GLRB: variants seen among roughly 807,000 people sequenced by gnomAD.
GLRB encodes the protein glycine receptor subunit beta.
Under a neutral mutation model 54.2 loss-of-function variants are expected in GLRB, and 33 were observed. The observed-to-expected ratio is 0.61, with a 90% CI of 0.46 to 0.81. The LOEUF is 0.81. Among genes scored for constraint, GLRB ranks in the 40% least tolerant of loss-of-function variants. GLRB has a pLI of 0.00. For missense variants in GLRB, 572 were observed against 584.6 expected, an observed-to-expected ratio of 0.98 and a Z score of 0.22; for synonymous variants, 209 against 208.2, an observed-to-expected ratio of 1.00 and a Z score of -0.03.
At position 157,146,574 on chromosome 4, in the gene GLRB, T is replaced by A. The variant is rs1446425702; in HGVS notation, c.904+2615T>A. Among the ~76,000 whole-genome samples, 8 of 152,148 alleles carry A rather than the reference T, an allele frequency of 5.3e-5. No individual in the cohort carries two copies. In the East Asian group the frequency reaches 1.6e-3, roughly 30 times the overall value. ...TGGCTCACCCCTGTAATCCCAGCAC[T>A]TTGGGAGGCAAAGGTGGGCAAATCA... On this transcript the variant is annotated intron_variant, in intron 8 of 9. Coordinates refer to ENST00000264428, the MANE Select transcript of GLRB (RefSeq NM_000824.5).
chr4:157,141,383 A>G (rs1241805514), intron 7 of GLRB, among the ~76,000 whole-genome samples: 1 of 152,022 alleles, frequency 6.6e-6, no homozygotes, highest in Admixed American at 6.6e-5. Context: ...AATACATGCA[A>G]TAGTTAACAG....
In GLRB at chr4:157,078,116, A is replaced by G. The variant is rs149863285; in HGVS notation, c.92A>G (p.Lys31Arg). The change falls in exon 2 of 10, where the codon AAG (lysine) becomes AGG (arginine). Residue 31 changes from lysine to arginine, a missense_variant. Coordinates refer to ENST00000264428, the MANE Select transcript of GLRB (RefSeq NM_000824.5). ...YSKEKSSKKG[K>R]GKKKQYLCPS... ...AAGGAAAAGTCTTCAAAGAAAGGGA[A>G]GGGGAAAAAGAAGCAGTATCTATGC... 9.6e-5 allele frequency: 154 copies of G among 1,612,262 alleles called. 1 individual carries two copies. The highest frequency in any genetic ancestry group is 1.2e-4 in the Non-Finnish European group (147 of 1,178,534).
chr4:157,127,555 G>T (rs1296421853), intron 4 of GLRB, among the ~76,000 whole-genome samples: 1 of 151,808 alleles, frequency 6.6e-6, no homozygotes, highest in African/African-American at 2.4e-5. Flanking sequence ...TGTTAAAAAG[G>T]ACATTTCAGA....
At chr4:157,098,851 A>T (rs1579196181) in intron 2 of GLRB, among the ~76,000 whole-genome samples, 1 of 151,562 alleles carries the variant, frequency 6.6e-6, no homozygotes, top group Non-Finnish European at 1.5e-5. Context: ...CAGGCAATCC[A>T]CCTGCCTTGG....
At chr4:157,089,202 C>G (rs1280581274) in intron 2 of GLRB, among the ~76,000 whole-genome samples, 1 of 151,778 alleles carries the variant, frequency 6.6e-6, no homozygotes, top group Non-Finnish European at 1.5e-5. Context: ...CAAGCATGGG[C>G]AACATAGTGA....
chr4:157,121,964 G>A (rs1735839062), intron 3 of GLRB, among the ~76,000 whole-genome samples: 1 of 151,144 alleles, frequency 6.6e-6, no homozygotes, highest in Non-Finnish European at 1.5e-5. Context: ...ATGAAACCCT[G>A]TTTTCAAAAT....
At chr4:157,105,768 T>C (rs1225768705) in intron 2 of GLRB, among the ~76,000 whole-genome samples, 1 of 152,092 alleles carries the variant, frequency 6.6e-6, no homozygotes, top group East Asian at 1.9e-4. Flanking sequence ...TATGTAATGT[T>C]TTTCTTTGTC....
intron 9 of GLRB, among the ~76,000 whole-genome samples, chr4:157,154,869 A>G (rs913054540): frequency 6.6e-6 from 1 of 152,092 alleles, no homozygotes; most frequent in African/African-American, 2.4e-5. Context: ...TAACATCACG[A>G]TCTACTAGTG....
intron 9 of GLRB, among the ~76,000 whole-genome samples, chr4:157,160,182 C>T (rs1737420203): frequency 6.6e-6 from 1 of 151,938 alleles, no homozygotes; most frequent in African/African-American, 2.4e-5. Context: ...TGGTGATATA[C>T]CCTTTATCAC....
intron 2 of GLRB, among the ~76,000 whole-genome samples, chr4:157,093,011 T>A (rs1421615562): frequency 1.3e-5 from 2 of 152,228 alleles, no homozygotes; most frequent in African/African-American, 4.8e-5. Flanking sequence ...TTCATTAATG[T>A]TCTTGCCACT....
intron 2 of GLRB, among the ~76,000 whole-genome samples, chr4:157,085,583 G>A (rs1192245548): frequency 9.9e-5 from 15 of 151,734 alleles, no homozygotes; most frequent in Non-Finnish European, 1.6e-4. Context: ...TGCAACCTCC[G>A]CCTCCTGGGT....
intron 4 of GLRB, among the ~76,000 whole-genome samples, chr4:157,126,404 T>G (rs943769480): frequency 6.6e-6 from 1 of 151,820 alleles, no homozygotes; most frequent in Admixed American, 6.6e-5. Context: ...ATTGTGAAGC[T>G]TTATAGTTCC....
chr4:157,170,784 T>TGGAG lies in GLRB; in HGVS notation c.*56_*57insGGAG. The stretch of plus-strand genomic sequence containing the variant: ...TCCATTTCATTGTGACCTACTCCTT[T>TGGAG]CATAAATGCCAATCTGTGAGAACTT... On this transcript the variant is annotated 3_prime_UTR_variant, in exon 10 of 10. Transcript: ENST00000264428. The TGGAG allele has an allele frequency of 1.0e-6, 1 of 980,810 alleles. No homozygotes were observed. 60.8% of individuals were successfully genotyped at this position (980,810 alleles called of 1,614,324 possible).
intron 7 of GLRB, among the ~76,000 whole-genome samples, chr4:157,139,743 C>A (rs562089463): frequency 1.3e-5 from 2 of 151,740 alleles, no homozygotes; most frequent in South Asian, 2.1e-4. Context: ...ATTGCAGAAT[C>A]CTAATTCTGC....
chr4:157,099,957 G>A (rs1734956565), intron 2 of GLRB, among the ~76,000 whole-genome samples: 1 of 152,072 alleles, frequency 6.6e-6, no homozygotes, highest in African/African-American at 2.4e-5. Flanking sequence ...TTTTCAAAAT[G>A]ACTTTTCAAG....
Position 157,120,622 on chromosome 4 carries a change from A to G in GLRB, c.189A>G (p.Leu63=). The part of the protein sequence containing the change: ...ANSTSNILNR[L]LVSYDPRIRP... ...CCACTAGCAATATCTTGAACAGGTT[A>G]TTGGTCAGTTATGATCCCAGGATAA... Residue 63 remains leucine (L), a synonymous_variant, in exon 3 of 10, where the codon TTA becomes TTG. Coordinates refer to ENST00000264428, the MANE Select transcript of GLRB (RefSeq NM_000824.5). 6.3e-7 allele frequency: 1 copy of G among 1,598,616 alleles called. No homozygotes were observed. Among genetic ancestry groups the G allele is most frequent in the African/African-American group, 1.3e-5 (1 of 74,350 alleles).
intron 8 of GLRB, among the ~76,000 whole-genome samples, chr4:157,145,510 T>C (rs566131681): frequency 6.6e-6 from 1 of 152,210 alleles, no homozygotes; most frequent in African/African-American, 2.4e-5. Context: ...GCAAAGCAGT[T>C]CTACATATTT....
rs1005044231 is a variant in GLRB, at chr4:157,139,086, A to C, written c.751+137A>C. 10 of 576,604 alleles carry C rather than the reference A, an allele frequency of 1.7e-5. No individual in the cohort carries two copies. In the African/African-American group the frequency reaches 1.9e-4, roughly 11 times the overall value. 35.7% of individuals were successfully genotyped at this position (576,604 alleles called of 1,614,324 possible). The stretch of plus-strand genomic sequence containing the variant: ...GCAAATAGTTTATCTTTACATTCAT[A>C]TGTTTAAGTCTTTCACAGAATTGTA... On this transcript the variant is annotated intron_variant, in intron 7 of 9. Transcript: ENST00000264428.
chr4:157,153,714 C>A (rs768259022), intron 9 of GLRB, among the ~76,000 whole-genome samples: 3 of 152,194 alleles, frequency 2.0e-5, no homozygotes, highest in Non-Finnish European at 2.9e-5. Flanking sequence ...CCATTTACCC[C>A]AATGTGCCCC....
Sources: allele counts gnomAD v4.1 joint callset (sites outside exome capture counted in the v4.1 genomes callset), GRCh38; gene constraint gnomAD v4.1.1; transcripts MANE v1.5; gene names NCBI Gene and HGNC (gene_info 2026-07-23, HGNC 2026-07-21).